The following NOP58 variants were observed in gnomAD, a reference collection of about 807,000 sequenced individuals.
NOP58 encodes NOP58 ribonucleoprotein.
In NOP58, 44 loss-of-function variants were observed where a neutral mutation model predicts 71.2. The ratio of observed to expected loss-of-function variants is 0.62; its 90% CI spans 0.49 to 0.79. NOP58 has a LOEUF of 0.79. Ranked by LOEUF, NOP58 falls within the 30% of genes least tolerant of loss-of-function variation. NOP58 has a pLI of 0.00. For missense variants in NOP58, 538 were observed against 620.2 expected (o/e 0.87, Z 1.41); for synonymous variants, 228 against 200.3 (o/e 1.14, Z -1.17).
At chr2:202,270,305 G>T (rs983019703) in intron 1 of NOP58, among the ~76,000 whole-genome samples, 4 of 152,174 alleles carry the variant, frequency 2.6e-5, no homozygotes, top group Non-Finnish European at 5.9e-5. Context: ...TTAGTGTAAT[G>T]CTTCTGAAGC....
chr2:202,286,312 G>A (rs1249361413), intron 5 of NOP58, among the ~76,000 whole-genome samples: 2 of 151,254 alleles, frequency 1.3e-5, no homozygotes, highest in Non-Finnish European at 2.9e-5. Flanking sequence ...AGACCATCCT[G>A]GTTAACACAG....
Position 202,290,453 on chromosome 2 carries a change from A to T in NOP58, c.630A>T (p.Lys210Asn), listed in dbSNP as rs1190856867. 5 of 1,607,280 alleles carry T rather than the reference A, an allele frequency of 3.1e-6. No homozygotes were observed. The highest frequency in any genetic ancestry group is 2.5e-6 in the Non-Finnish European group (3 of 1,177,772). The change falls in exon 7 of 15, where the codon AAA becomes AAT. Residue 210 changes from lysine (K) to asparagine (N), a missense_variant. Physicochemically the swap from Lys to Asn is moderately conservative, Grantham distance 94. Coordinates refer to ENST00000264279, the MANE Select transcript of NOP58 (RefSeq NM_015934.5). ...TAACATACTGCAAGTGTTTACAGAAAGTTGGTGAGTAATTTGTTCATCCTT... is the reference window on the plus strand; with the variant it reads ...TAACATACTGCAAGTGTTTACAGAATGTTGGTGAGTAATTTGTTCATCCTT... The part of the protein sequence containing the change: ...DNLTYCKCLQ[K>N]VGDRKNYASA...
intron 2 of NOP58, among the ~76,000 whole-genome samples, chr2:202,277,311 A>C (rs532778519): frequency 2.0e-5 from 3 of 151,764 alleles, no homozygotes; most frequent in East Asian, 3.9e-4. Context: ...TCTCAAAAAA[A>C]AAAAACAAAA....
In NOP58 at chr2:202,291,178, G is replaced by A. The variant is rs1361916315; in HGVS notation, c.688G>A (p.Val230Ile). 6.2e-7 allele frequency: 1 copy of A among 1,613,344 alleles called. No individual in the cohort carries two copies. Among genetic ancestry groups the A allele is most frequent in the East Asian group, 2.2e-5 (1 of 44,866 alleles). ...GCTTTCTGAGTTGCTGCCAGAAGAA[G>A]TTGAAGCAGAAGTGAAAGCAGCTGC... is the stretch of plus-strand genomic sequence containing the variant. ...AKLSELLPEE[V>I]EAEVKAAAEI... The change falls in exon 8 of 15, where the codon GTT becomes ATT. Residue 230 changes from valine to isoleucine, a missense_variant. Val to Ile is a conservative substitution (Grantham distance 29). Transcript: ENST00000264279.
chr2:202,274,215 T>G (rs1006843970), intron 1 of NOP58, among the ~76,000 whole-genome samples: 1 of 151,474 alleles, frequency 6.6e-6, no homozygotes, highest in Non-Finnish European at 1.5e-5. Context: ...TAGACAAAAG[T>G]TTTTTTTGTT....
intron 6 of NOP58, among the ~76,000 whole-genome samples, chr2:202,288,311 C>G (rs1050708072): frequency 2.0e-5 from 3 of 150,140 alleles, no homozygotes; most frequent in African/African-American, 4.9e-5. Context: ...ATGGAGAAAT[C>G]CCGTCTCTAC....
chr2:202,292,970 C>T, intron 9 of NOP58, 67 bp downstream of exon 9: 1 of 1,551,552 alleles, frequency 6.4e-7, no homozygotes, highest in South Asian at 1.1e-5. Context: ...ATTTTGTTTA[C>T]ATCTTTAAAC....
chr2:202,296,629 T>A (rs1688997047), intron 10 of NOP58, among the ~76,000 whole-genome samples: 1 of 152,190 alleles, frequency 6.6e-6, no homozygotes, highest in Non-Finnish European at 1.5e-5. Flanking sequence ...AACTGAAAAT[T>A]GATAAAATTT....
In NOP58 at chr2:202,277,931, CTT is replaced by C. The variant is rs141914741; in HGVS notation, c.123-10_123-9del. 39 of 1,189,996 alleles carry C rather than the reference CTT, an allele frequency of 3.3e-5. No homozygotes were observed. The highest frequency in any genetic ancestry group is 2.0e-4 in the Middle Eastern group (1 of 4,894). The allele number at this position is 1,189,996 out of a possible 1,614,324, so 73.7% of individuals were successfully genotyped here. On this transcript the variant is annotated splice_polypyrimidine_tract_variant and intron_variant, in intron 2 of 14. Transcript: ENST00000264279. ...ACTGCCCCCAATAACATGTTTATCTCTTTTTTTTTTAATTCTAGAGTAAAGCT... is the reference window on the plus strand; with the variant it reads ...ACTGCCCCCAATAACATGTTTATCTCTTTTTTTTAATTCTAGAGTAAAGCT...
rs1404797990 is a variant in NOP58 at position 202,281,940 on chromosome 2, A to C, written c.176-411A>C. 2.6e-5 allele frequency among the ~76,000 whole-genome samples: 4 copies of C among 152,358 alleles called. No homozygotes were observed. The South Asian group carries it at 6.2e-4, about 24-fold the overall frequency. ...CACTCAAACATGTTTATATTATGGC[A>C]GAACTTTGAAAATGATTACACTCAT... On this transcript the variant is annotated intron_variant, in intron 3 of 14. Transcript: ENST00000264279.
intron 1 of NOP58, 110 bp from the exon 2 acceptor site, chr2:202,275,003 G>C (rs1688568355): frequency 2.1e-6 from 1 of 472,848 alleles, no homozygotes; most frequent in Non-Finnish European, 3.6e-6. Context: ...CTTAGTGAAA[G>C]AAATAGCTTC....
At chr2:202,294,259 C>T (rs775342442) in intron 9 of NOP58, among the ~76,000 whole-genome samples, 1 of 146,662 alleles carries the variant, frequency 6.8e-6, no homozygotes, top group Non-Finnish European at 1.5e-5. Context: ...GTGGAGGTTG[C>T]AGTGAGCCAA....
At position 202,265,835 on chromosome 2, in the gene NOP58, C is replaced by T. The variant is rs1688403271; in HGVS notation, c.-107C>T. ...TTGCGGGACGGCGAGCGCATTTGTGCTTTGCCCGCCGCGGCCTAGGAGGCC... is the reference window on the plus strand; with the variant it reads ...TTGCGGGACGGCGAGCGCATTTGTGTTTTGCCCGCCGCGGCCTAGGAGGCC... On this transcript the variant is annotated 5_prime_UTR_variant, in exon 1 of 15. Coordinates refer to ENST00000264279, the MANE Select transcript of NOP58 (RefSeq NM_015934.5). The T allele has an allele frequency of 1.6e-6, 2 of 1,276,112 alleles. No individual in the cohort carries two copies. Among genetic ancestry groups the T allele is most frequent in the Non-Finnish European group, 2.3e-6 (2 of 884,862 alleles). The allele number at this position is 1,276,112 out of a possible 1,614,324, so 79.0% of individuals were successfully genotyped here. A position where few individuals can be genotyped will look rare whatever the true frequency, so the allele number is the denominator to read the frequency against.
At chr2:202,278,131 C>T in intron 3 of NOP58, 129 bp downstream of exon 3, 1 of 756,320 alleles carries the variant, frequency 1.3e-6, no homozygotes, top group Non-Finnish European at 2.5e-6. Context: ...ATGATGCATT[C>T]TTATTGGAAC....
In NOP58 at chr2:202,300,372, G is replaced by A; in HGVS notation, c.1402+5G>A. 1 of 1,574,914 alleles carries A rather than the reference G, an allele frequency of 6.3e-7. No individual in the cohort carries two copies. Among genetic ancestry groups the A allele is most frequent in the Non-Finnish European group, 8.6e-7 (1 of 1,167,408 alleles). On this transcript the variant is annotated splice_donor_5th_base_variant and intron_variant, in intron 13 of 14. Transcript: ENST00000264279. ...AAGCCAAGATTAAAGTTAAAGGTTAGTTTGAATTTTTTTTTTAACACAACT... is the reference window on the plus strand; with the variant it reads ...AAGCCAAGATTAAAGTTAAAGGTTAATTTGAATTTTTTTTTTAACACAACT...
chr2:202,287,995 TC>T (rs1215314040), intron 6 of NOP58, among the ~76,000 whole-genome samples: 1 of 151,966 alleles, frequency 6.6e-6, no homozygotes, highest in Non-Finnish European at 1.5e-5. Flanking sequence ...GTACCTATAA[TC>T]CCAGCTACTC....
intron 6 of NOP58, among the ~76,000 whole-genome samples, chr2:202,287,975 A>G (rs756965339): frequency 1.9e-4 from 29 of 152,076 alleles, no homozygotes; most frequent in Admixed American, 3.3e-4. Context: ...TTAAATGTGC[A>G]TGGTGGCGTG....
intron 14 of NOP58, 68 bp downstream of exon 14, chr2:202,303,125 T>C (rs534645350): frequency 2.0e-6 from 3 of 1,525,624 alleles, no homozygotes; most frequent in Admixed American, 2.1e-5. Flanking sequence ...ATCTATTTTC[T>C]ATATCAGAAA....
chr2:202,274,831 T>G (rs917534965), intron 1 of NOP58, among the ~76,000 whole-genome samples: 2 of 152,102 alleles, frequency 1.3e-5, no homozygotes, highest in Non-Finnish European at 2.9e-5. Flanking sequence ...GGCCCAAGGC[T>G]GGGGCAGGAA....
Sources: allele counts gnomAD v4.1 joint callset (sites outside exome capture counted in the v4.1 genomes callset), GRCh38; gene constraint gnomAD v4.1.1; transcripts MANE v1.5; gene names NCBI Gene and HGNC (gene_info 2026-07-23, HGNC 2026-07-21).